ULK4: variants seen among roughly 807,000 people sequenced by gnomAD.
ULK4 encodes unc-51 like kinase 4.
ULK4 carries 133 observed loss-of-function variants against 160.6 expected under a neutral mutation model. That is an observed-to-expected ratio of 0.83 (90% confidence interval 0.72 to 0.96). The LOEUF (loss-of-function observed/expected upper bound fraction) is 0.96. Among genes scored for constraint, ULK4 ranks in the 40% least tolerant of loss-of-function variants. The pLI is 0.00. For missense variants in ULK4, 1,580 were observed against 1,499.5 expected, an observed-to-expected ratio of 1.05 and a Z score of -0.89; for synonymous variants, 534 against 539.8, an observed-to-expected ratio of 0.99 and a Z score of 0.15.
Position 41,817,417 on chromosome 3 carries a change from A to G in ULK4, c.1848+2006T>C, listed in dbSNP as rs114251860. ...TGGACAAAGAAAATGTAGTACATAT[A>G]CATCATAAAAGAACTATGCAGCCAT... On this transcript the variant is annotated intron_variant, in intron 19 of 36. Coordinates refer to ENST00000301831, the MANE Select transcript of ULK4 (RefSeq NM_017886.4). Among the ~76,000 whole-genome samples, 858 of 152,340 alleles carry G rather than the reference A, an allele frequency of 5.6e-3. 10 individuals are homozygous for G. The highest frequency in any genetic ancestry group is 0.02 in the Middle Eastern group (6 of 294).
chr3:41,260,248 G>A (rs902171667), intron 35 of ULK4, among the ~76,000 whole-genome samples: 5 of 152,132 alleles, frequency 3.3e-5, no homozygotes, highest in Non-Finnish European at 7.3e-5. Context: ...AGAACCTCTC[G>A]TCGGCATGAT....
chr3:41,917,595 C>T (rs1215440674), intron 7 of ULK4, among the ~76,000 whole-genome samples: 1 of 152,038 alleles, frequency 6.6e-6, no homozygotes, highest in Non-Finnish European at 1.5e-5. Flanking sequence ...TTTTCCTTTC[C>T]TTAAAAATTA....
intron 35 of ULK4, among the ~76,000 whole-genome samples, chr3:41,342,002 A>T (rs748138473): frequency 1.5e-4 from 23 of 152,232 alleles, no homozygotes; most frequent in Non-Finnish European, 2.6e-4. Context: ...TCAGCAGACG[A>T]GTCAATTGAA....
chr3:41,253,818 G>T lies in ULK4; in HGVS notation c.3679-4244C>A, dbSNP rs571134793. On this transcript the variant is annotated intron_variant, in intron 35 of 36. Coordinates refer to ENST00000301831, the MANE Select transcript of ULK4 (RefSeq NM_017886.4). ...GGTTTAAAGTAAGAGGATGAAAAAA[G>T]ATATACCATGCACACATAAATCAAA... Among the ~76,000 whole-genome samples the T allele has an allele frequency of 3.3e-5, 5 of 152,202 alleles. No homozygotes were observed. The South Asian group carries it at 8.3e-4, about 25-fold the overall frequency.
In ULK4 at chr3:41,365,740, C is replaced by T. The variant is rs141617700; in HGVS notation, c.3678+32339G>A. Among the ~76,000 whole-genome samples, 429 of 152,126 alleles carry T rather than the reference C, an allele frequency of 2.8e-3. 10 individuals carry two copies. Among genetic ancestry groups the T allele is most frequent in the African/African-American group, 9.7e-3 (402 of 41,484 alleles). On this transcript the variant is annotated intron_variant, in intron 35 of 36. Coordinates refer to ENST00000301831, the MANE Select transcript of ULK4 (RefSeq NM_017886.4). ...CCCAAGCCCCTGCTCTTCACCATTA[C>T]GTTAAATGAGTGTTTCATTGCAAAT...
rs140295673 is a variant in ULK4, at chr3:41,506,392, G to T, written c.3227-43139C>A. 7.9e-5 allele frequency among the ~76,000 whole-genome samples: 12 copies of T among 151,082 alleles called. No individual in the cohort carries two copies. The East Asian group carries it at 1.8e-3, about 22-fold the overall frequency. ...AAAGATGGTTAGGCAGATTTCCTAA[G>T]TGTGGAAATATAGGAATCTACACTG... On this transcript the variant is annotated intron_variant, in intron 32 of 36. Coordinates refer to ENST00000301831, the MANE Select transcript of ULK4 (RefSeq NM_017886.4).
At chr3:41,901,169 C>CTT (rs756499023) in intron 12 of ULK4, among the ~76,000 whole-genome samples, 2 of 95,742 alleles carry the variant, frequency 2.1e-5, no homozygotes, top group African/African-American at 6.3e-5. Flanking sequence ...AACAGCATGG[C>CTT]TTCTTTTTTT....
intron 11 of ULK4, among the ~76,000 whole-genome samples, chr3:41,909,695 A>AC (rs1417400815): frequency 6.6e-6 from 1 of 152,192 alleles, no homozygotes; most frequent in Non-Finnish European, 1.5e-5. Flanking sequence ...AGCCTGGGCG[A>AC]CAGAGCAAGA....
chr3:41,612,226 C>T (rs2032717746), intron 31 of ULK4, among the ~76,000 whole-genome samples: 1 of 152,098 alleles, frequency 6.6e-6, no homozygotes, highest in Non-Finnish European at 1.5e-5. Context: ...GCCAAGTATA[C>T]TTAGCATTGA....
At chr3:41,912,258 G>C (rs1698815251) in intron 9 of ULK4, among the ~76,000 whole-genome samples, 1 of 150,932 alleles carries the variant, frequency 6.6e-6, no homozygotes, top group African/African-American at 2.4e-5. Flanking sequence ...AGCCCAGGGA[G>C]GTCAAGGCTG....
chr3:41,263,756 A>G (rs2125679188), intron 35 of ULK4, among the ~76,000 whole-genome samples: 1 of 152,340 alleles, frequency 6.6e-6, no homozygotes, highest in African/African-American at 2.4e-5. Flanking sequence ...CAGAAAAGCA[A>G]TCACAATCAC....
chr3:41,272,981 T>C (rs2079164043), intron 35 of ULK4, among the ~76,000 whole-genome samples: 1 of 152,182 alleles, frequency 6.6e-6, no homozygotes, highest in South Asian at 2.1e-4. Context: ...TGGAATAGAG[T>C]TGTAACTTTT....
chr3:41,817,869 AG>A (rs2041022352), intron 19 of ULK4, among the ~76,000 whole-genome samples: 1 of 152,218 alleles, frequency 6.6e-6, no homozygotes, highest in African/African-American at 2.4e-5. Context: ...AGATCTGAAT[AG>A]ACATTTCTCA....
chr3:41,657,812 T>A (rs760574702), intron 30 of ULK4, among the ~76,000 whole-genome samples: 11 of 41,216 alleles, frequency 2.7e-4, no homozygotes, highest in African/African-American at 9.5e-4. Flanking sequence ...CGAGACTCCA[T>A]CTCATTAAAA....
intron 35 of ULK4, among the ~76,000 whole-genome samples, chr3:41,374,729 G>A (rs1255444760): frequency 6.6e-6 from 1 of 152,120 alleles, no homozygotes; most frequent in Non-Finnish European, 1.5e-5. Flanking sequence ...ACTGGCACAA[G>A]ACAATGATGC....
At chr3:41,432,020 T>C (rs1346777945) in intron 34 of ULK4, among the ~76,000 whole-genome samples, 1 of 152,144 alleles carries the variant, frequency 6.6e-6, no homozygotes, top group Non-Finnish European at 1.5e-5. Context: ...CTCGATCTCC[T>C]GACCTCGTGA....
chr3:41,794,790 G>A (rs1224766877), intron 20 of ULK4, among the ~76,000 whole-genome samples: 1 of 151,818 alleles, frequency 6.6e-6, no homozygotes, highest in Non-Finnish European at 1.5e-5. Context: ...AATTGAGGAG[G>A]TAACACTTAA....
intron 35 of ULK4, among the ~76,000 whole-genome samples, chr3:41,264,262 A>G (rs1452456901): frequency 6.6e-6 from 1 of 152,248 alleles, no homozygotes; most frequent in Non-Finnish European, 1.5e-5. Flanking sequence ...GACTTTGGGA[A>G]TGGTCCAGGT....
At chr3:41,436,388 A>G (rs1029305885) in intron 34 of ULK4, among the ~76,000 whole-genome samples, 4 of 152,198 alleles carry the variant, frequency 2.6e-5, no homozygotes, top group Admixed American at 6.5e-5. Flanking sequence ...TAAAAACGCC[A>G]TACTATATTG....
Sources: allele counts gnomAD v4.1 joint callset (sites outside exome capture counted in the v4.1 genomes callset), GRCh38; gene constraint gnomAD v4.1.1; transcripts MANE v1.5; gene names NCBI Gene and HGNC (gene_info 2026-07-23, HGNC 2026-07-21).